HOOK2: variants seen among roughly 807,000 people sequenced by gnomAD.
HOOK2 encodes hook microtubule tethering protein 2.
A neutral mutation model predicts 111.9 loss-of-function variants in HOOK2; 108 were observed. The observed-to-expected ratio is 0.96, with a 90% CI of 0.83 to 1.13. The LOEUF (loss-of-function observed/expected upper bound fraction) is 1.13. Among genes scored for constraint, HOOK2 ranks in the 50% most tolerant of loss-of-function variants. The pLI is 0.00. For synonymous variants in HOOK2, 405 were observed against 394.3 expected, an observed-to-expected ratio of 1.03 and a Z score of -0.32; for missense variants, 978 against 951.3, an observed-to-expected ratio of 1.03 and a Z score of -0.37.
At chr19:12,769,416 C>T (rs867482408) in intron 11 of HOOK2, among the ~76,000 whole-genome samples, 3 of 152,018 alleles carry the variant, frequency 2.0e-5, no homozygotes, top group South Asian at 2.1e-4. Flanking sequence ...CGCGAGCCAC[C>T]GCACCCGGTC....
upstream of HOOK2, among the ~76,000 whole-genome samples, chr19:12,778,876 A>G (rs977610801): frequency 3.3e-5 from 5 of 152,144 alleles, no homozygotes; most frequent in African/African-American, 1.2e-4. Flanking sequence ...GGAGTCCCAC[A>G]TTTGGGGAAA....
upstream of HOOK2, among the ~76,000 whole-genome samples, chr19:12,779,227 C>T (rs1032944742): frequency 6.6e-6 from 1 of 152,266 alleles, no homozygotes; most frequent in East Asian, 1.9e-4. Context: ...GCTGACTCAA[C>T]CCCTCCCTGT....
At position 12,767,823 on chromosome 19, in the gene HOOK2, G is replaced by A. The variant is rs767569884; in HGVS notation, c.1296C>T (p.Thr432=). The part of the protein sequence containing the change: ...RCAQLQPRGL[T]QADPSLDPTS... ...GATGGGGCTTCATCTCACCGGCCTG[G>A]GTCAACCCCCGCGGCTGCAGCTGGG... The change falls in exon 13 of 23, where the codon ACC becomes ACT. Residue 432 remains threonine (T), a synonymous_variant. Transcript: ENST00000397668. The A allele has an allele frequency of 5.0e-6, 8 of 1,602,302 alleles. No homozygotes were observed. The highest frequency in any genetic ancestry group is 4.4e-5 in the South Asian group (4 of 90,940).
upstream of HOOK2, among the ~76,000 whole-genome samples, chr19:12,776,416 T>C (rs952456161): frequency 6.6e-6 from 1 of 151,562 alleles, no homozygotes; most frequent in Non-Finnish European, 1.5e-5. Flanking sequence ...TAGCGGTGGC[T>C]CACGCCTGTA....
chr19:12,786,505 C>G lies in HOOK2; in HGVS notation n.42-12280G>C, dbSNP rs978890479. Among the ~76,000 whole-genome samples the G allele has an allele frequency of 6.6e-6, 1 of 152,124 alleles. No homozygotes were observed. The highest frequency in any genetic ancestry group is 1.5e-5 in the Non-Finnish European group (1 of 67,994). ...CCCAGGCCCTGGGGCACTGGGGAAG[C>G]CTGCGCAGGGACTTCTTAGCCAGGT... On this transcript the variant is annotated intron_variant and non_coding_transcript_variant, in intron 3 of 3. Transcript: ENST00000589765. This position sits in a 1 kb window ranked among gnomAD's most constrained non-coding sequence, Gnocchi z 4.3.
chr19:12,772,595 CT>C lies in HOOK2; in HGVS notation c.456+17del. 1 of 1,613,210 alleles carries C rather than the reference CT, an allele frequency of 6.2e-7. No individual in the cohort carries two copies. The highest frequency in any genetic ancestry group is 8.5e-7 in the Non-Finnish European group (1 of 1,179,508). ...TCTCCTGACATTTTCCAATTGCACA[CT>C]GAGTGCCCCCACCCACCTCTTGGAT... On this transcript the variant is annotated intron_variant, in intron 6 of 22. Transcript: ENST00000397668.
Position 12,764,856 on chromosome 19 carries a change from G to T in HOOK2, c.1785C>A (p.Ala595=), listed in dbSNP as rs770474337. 1.9e-6 allele frequency: 3 copies of T among 1,614,008 alleles called. No individual in the cohort carries two copies. The part of the protein sequence containing the change: ...NLQKKDADLR[A]MEERYRRYVD... ...CGTAGCGGCGGTATCGCTCCTCCAT[G>T]GCCCGCAAGTCCGCGTCCTTCTTCT... The change falls in exon 20 of 23, where the codon GCC becomes GCA. Residue 595 remains alanine (A), a synonymous_variant. Transcript: ENST00000397668.
chr19:12,767,263 A>G, intron 14 of HOOK2, 132 bp downstream of exon 14: 1 of 709,220 alleles, frequency 1.4e-6, no homozygotes. Flanking sequence ...AAGTGGGCCT[A>G]GGAGCCCGGC....
rs759233398 is a variant in HOOK2, at chr19:12,768,105, G to C, written c.1123C>G (p.Gln375Glu). The change falls in exon 12 of 23, where the codon CAG (glutamine) becomes GAG (glutamate). Residue 375 changes from glutamine (Q) to glutamate (E), a missense_variant. By Grantham distance (29) the Gln-to-Glu change is conservative (BLOSUM62 2). This residue lies in a region of HOOK2 where 388 missense variants were observed against 358.3 expected (regional missense o/e 1.08). Transcript: ENST00000397668. ...GCCTTCATGGCCTCCTCCTGCCGCT[G>C]GCCCTGCAGTTCCTGCACCTGAACA... The part of the protein sequence containing the change: ...QRRQVQELQG[Q>E]RQEEAMKAEK... The C allele has an allele frequency of 5.0e-6, 8 of 1,614,168 alleles. No homozygotes were observed. The South Asian group carries it at 8.8e-5, about 18-fold the overall frequency.
upstream of HOOK2, among the ~76,000 whole-genome samples, chr19:12,782,381 G>A (rs933302177): frequency 2.0e-5 from 3 of 152,256 alleles, no homozygotes; most frequent in Non-Finnish European, 4.4e-5. Context: ...GACACTGTGG[G>A]TCGGGGAGTT....
upstream of HOOK2, among the ~76,000 whole-genome samples, chr19:12,782,708 C>T (rs1018056023): frequency 3.9e-5 from 6 of 152,206 alleles, no homozygotes; most frequent in Non-Finnish European, 5.9e-5. Flanking sequence ...AGGGCAGGAC[C>T]AGCCCCGCCC....
intron 7 of HOOK2, 31 bp from the exon 8 acceptor site, chr19:12,771,508 G>C: frequency 6.3e-7 from 1 of 1,582,030 alleles, no homozygotes; most frequent in Non-Finnish European, 8.6e-7. Flanking sequence ...AGGAACTCAG[G>C]GATTCAGGAG....
Position 12,769,982 on chromosome 19 carries a change from CCAG to C in HOOK2, c.1000_1002del (p.Leu334del). On this transcript the variant is annotated inframe_deletion, in exon 11 of 23. Transcript: ENST00000397668. ...TCGGCGTGGCCGGCGTTGCGTTCCT[CCAG>C]CTGCCGCACCTGCCGCCGCAGCTCC... 6.5e-7 allele frequency: 1 copy of C among 1,550,006 alleles called. No homozygotes were observed. Among genetic ancestry groups the C allele is most frequent in the Non-Finnish European group, 8.7e-7 (1 of 1,153,422 alleles).
At chr19:12,772,720 G>A (rs760129811) in intron 5 of HOOK2, 40 bp from the exon 6 acceptor site, 2 of 1,613,988 alleles carry the variant, frequency 1.2e-6, no homozygotes, top group Non-Finnish European at 1.7e-6. Context: ...CCAGGGGTGA[G>A]GTGGGGAGGA....
chr19:12,788,250 T>C (rs1363041089), intron 3 of HOOK2, among the ~76,000 whole-genome samples: 2 of 152,188 alleles, frequency 1.3e-5, no homozygotes, highest in African/African-American at 4.8e-5. Context: ...GACAAGTTCC[T>C]TAATCTCCTG....
rs1408807534 is a variant in HOOK2 at position 12,786,624 on chromosome 19, TG to T, written n.42-12400del. Among the ~76,000 whole-genome samples, 1 of 152,084 alleles carries T rather than the reference TG, an allele frequency of 6.6e-6. No individual in the cohort carries two copies. Among genetic ancestry groups the T allele is most frequent in the Non-Finnish European group, 1.5e-5 (1 of 67,984 alleles). ...GGGGGCTGTTCTCCCACCCTCCTCG[TG>T]GGGCCGGCCTGGCGCCAGTGGGGCG... On this transcript the variant is annotated intron_variant and non_coding_transcript_variant, in intron 3 of 3. Transcript: ENST00000589765. The surrounding 1 kb of genome is among the most constrained non-coding windows in gnomAD (Gnocchi z 4.3).
chr19:12,775,450 G>C lies in HOOK2; in HGVS notation c.-1C>G. On this transcript the variant is annotated 5_prime_UTR_variant, in exon 1 of 23. Coordinates refer to ENST00000397668, the MANE Select transcript of HOOK2 (RefSeq NM_013312.3). ...ATAGCTCAGCTTTGTCCACGCTCATGGCTCCCGATCGGATTCAATCCAGGC... is the reference window on the plus strand; with the variant it reads ...ATAGCTCAGCTTTGTCCACGCTCATCGCTCCCGATCGGATTCAATCCAGGC... The C allele has an allele frequency of 6.2e-7, 1 of 1,612,012 alleles. No individual in the cohort carries two copies. The highest frequency in any genetic ancestry group is 8.5e-7 in the Non-Finnish European group (1 of 1,179,410).
intron 14 of HOOK2, among the ~76,000 whole-genome samples, 176 bp downstream of exon 14, chr19:12,767,219 A>C (rs1236533272): frequency 6.6e-6 from 1 of 152,176 alleles, no homozygotes; most frequent in East Asian, 1.9e-4. Flanking sequence ...AGGCAAAGTC[A>C]TCTGGTAGGG....
chr19:12,772,745 A>G (rs772667428), intron 5 of HOOK2, 35 bp downstream of exon 5: 3 of 1,613,360 alleles, frequency 1.9e-6, no homozygotes, highest in Non-Finnish European at 1.7e-6. Context: ...GGATTTCCTC[A>G]GGCCAGCCCT....
Sources: gnomAD v4.1 joint callset for allele counts (sites outside exome capture counted in the v4.1 genomes callset) on GRCh38, gnomAD v4.1.1 for gene constraint, gnomAD v4.1.1 regional missense constraint, Gnocchi (gnomAD v3.1) non-coding constraint, MANE v1.5 for transcripts, NCBI Gene and HGNC (gene_info 2026-07-23, HGNC 2026-07-21) for gene names.